The following PACSIN2 variants were observed in gnomAD, a reference collection of about 807,000 sequenced individuals.
PACSIN2 encodes protein kinase C and casein kinase substrate in neurons protein 2.
A neutral mutation model predicts 63.8 loss-of-function variants in PACSIN2; 25 were observed. The observed-to-expected ratio is 0.39, with a 90% CI of 0.29 to 0.55. The LOEUF is 0.55. PACSIN2 is among the 20% of genes least tolerant of loss of function. The probability of loss-of-function intolerance (pLI) is 0.62; values close to 1 mark genes in which losing one functional copy is unlikely to be tolerated. For synonymous variants in PACSIN2, 255 were observed against 256.2 expected, an observed-to-expected ratio of 1.00 and a Z score of 0.05; for missense variants, 518 against 646.9, an observed-to-expected ratio of 0.80 and a Z score of 2.16.
chr22:42,954,320 T>C (rs762670462), intron 1 of PACSIN2, among the ~76,000 whole-genome samples: 4 of 152,206 alleles, frequency 2.6e-5, no homozygotes, highest in Non-Finnish European at 5.9e-5. Context: ...GAACAGCCCA[T>C]TGAGCCTCTA....
chr22:42,990,141 AT>A (rs5845577), intron 1 of PACSIN2, among the ~76,000 whole-genome samples: 91,810 of 149,972 alleles, frequency 0.61, 28,801 homozygotes, highest in East Asian at 0.78. Context: ...AAAATGAATG[AT>A]TTTTTTAAAA....
rs1389165602 is a variant in PACSIN2 at position 42,919,792 on chromosome 22, A to AG, written c.-77-7636_-77-7635insC. On this transcript the variant is annotated intron_variant, in intron 1 of 10. Coordinates refer to ENST00000263246, the MANE Select transcript of PACSIN2 (RefSeq NM_001184970.3). ...TGTCTCAAAAAAAAAAAAAAAAAAA[A>AG]AAAAAGAAAGAAAGAAAGAAAAAGA... is the stretch of plus-strand genomic sequence containing the variant. 5.3e-3 allele frequency among the ~76,000 whole-genome samples: 759 copies of AG among 142,682 alleles called. 5 individuals are homozygous for AG. Among genetic ancestry groups the AG allele is most frequent in the Non-Finnish European group, 9.3e-3 (615 of 66,440 alleles). The allele number at this position is 142,682 out of a possible 152,430, so 93.6% of individuals were successfully genotyped here.
Position 42,972,065 on chromosome 22 carries a change from G to T in PACSIN2, c.-78+42956C>A, listed in dbSNP as rs569241411. Among the ~76,000 whole-genome samples, 74 of 152,332 alleles carry T rather than the reference G, an allele frequency of 4.9e-4. No individual in the cohort carries two copies. The South Asian group carries it at 0.012, about 24-fold the overall frequency. ...TGACAATGGCGGTTTTGTCCAATGG[G>T]GGGGGGAAATGTGGGGAAAAGAAAG... On this transcript the variant is annotated intron_variant, in intron 1 of 10. Transcript: ENST00000263246.
intron 1 of PACSIN2, among the ~76,000 whole-genome samples, chr22:42,947,498 C>A (rs931860822): frequency 6.6e-6 from 1 of 152,140 alleles, no homozygotes; most frequent in Non-Finnish European, 1.5e-5. Flanking sequence ...AGAGGCTCTT[C>A]CCTACCCAAC....
chr22:42,875,440 A>G (rs1402635231), intron 10 of PACSIN2, among the ~76,000 whole-genome samples: 3 of 151,868 alleles, frequency 2.0e-5, no homozygotes, highest in East Asian at 3.9e-4. Flanking sequence ...TACAATCATG[A>G]TTCATTGCAA....
chr22:42,934,223 C>G (rs866610764), intron 1 of PACSIN2, among the ~76,000 whole-genome samples: 3 of 152,230 alleles, frequency 2.0e-5, no homozygotes, highest in Non-Finnish European at 2.9e-5. Flanking sequence ...TGAATAAAAA[C>G]CATACTAAAT....
intron 8 of PACSIN2, among the ~76,000 whole-genome samples, chr22:42,877,302 C>A (rs944312654): frequency 6.6e-6 from 1 of 152,156 alleles, no homozygotes; most frequent in Non-Finnish European, 1.5e-5. Flanking sequence ...TGACAAGCCA[C>A]AGCTGGAGCA....
chr22:42,983,489 C>CAAAAAAAAAAAA (rs775403003), intron 1 of PACSIN2, among the ~76,000 whole-genome samples: 7 of 82,258 alleles, frequency 8.5e-5, no homozygotes, highest in East Asian at 3.5e-4. Flanking sequence ...GACTCCATCT[C>CAAAAAAAAAAAA]AAAAAAAAAA....
chr22:42,897,012 CTG>C (rs1930338243), intron 2 of PACSIN2, among the ~76,000 whole-genome samples: 1 of 152,146 alleles, frequency 6.6e-6, no homozygotes, highest in African/African-American at 2.4e-5. Context: ...TCATGGCTCA[CTG>C]TGGCCTTAAC....
intron 1 of PACSIN2, among the ~76,000 whole-genome samples, chr22:42,931,906 G>A (rs188668291): frequency 6.2e-4 from 95 of 152,298 alleles, no homozygotes; most frequent in Non-Finnish European, 1.2e-3. Context: ...AAGCTAAAAT[G>A]AAAACGTTTA....
At position 42,906,502 on chromosome 22, in the gene PACSIN2, G is replaced by C. The variant is rs145301567; in HGVS notation, c.60+5519C>G. Among the ~76,000 whole-genome samples the C allele has an allele frequency of 8.0e-4, 122 of 152,312 alleles. 1 individual carries two copies. In the Middle Eastern group the frequency reaches 0.017, roughly 21 times the overall value. ...TGGCCAAGACAAAGGCAGCCCACAC[G>C]TCGAGGGCCCTGATCTGCCCCATAG... On this transcript the variant is annotated intron_variant, in intron 2 of 10. Coordinates refer to ENST00000263246, the MANE Select transcript of PACSIN2 (RefSeq NM_001184970.3).
intron 1 of PACSIN2, among the ~76,000 whole-genome samples, chr22:42,971,497 C>T (rs1395926525): frequency 3.3e-5 from 5 of 152,206 alleles, no homozygotes; most frequent in South Asian, 2.1e-4. Context: ...AGCCTCTGCC[C>T]GGCCGCCACC....
Position 43,010,398 on chromosome 22 carries a change from A to ATATATATATATATATATTTT in PACSIN2, c.-78+4622_-78+4623insAAAATATATATATATATATA. Among the ~76,000 whole-genome samples, 266 of 126,360 alleles carry ATATATATATATATATATTTT rather than the reference A, an allele frequency of 2.1e-3. 1 individual carries two copies. The highest frequency in any genetic ancestry group is 0.013 in the South Asian group (48 of 3,682). The allele number at this position is 126,360 out of a possible 152,430, so 82.9% of individuals were successfully genotyped here. On this transcript the variant is annotated intron_variant, in intron 1 of 10. Coordinates refer to ENST00000263246, the MANE Select transcript of PACSIN2 (RefSeq NM_001184970.3). ...TGTTTAAAAATACATATATATATAT[A>ATATATATATATATATATTTT]TTTTTTTTTAATTGAAAATAAAAAA...
At chr22:42,974,543 A>G (rs2016623) in intron 1 of PACSIN2, among the ~76,000 whole-genome samples, 91,701 of 151,748 alleles carry the variant, frequency 0.6, 28,246 homozygotes, top group East Asian at 0.78. Context: ...TTAAAAGATC[A>G]TAAGCACCAG....
At chr22:42,975,977 C>T (rs1805912381) in intron 1 of PACSIN2, among the ~76,000 whole-genome samples, 2 of 152,138 alleles carry the variant, frequency 1.3e-5, no homozygotes, top group African/African-American at 2.4e-5. Context: ...GCTGAGACAC[C>T]CTGGCCCCCA....
chr22:42,913,311 C>CT (rs1931583458), intron 1 of PACSIN2, among the ~76,000 whole-genome samples: 1 of 152,134 alleles, frequency 6.6e-6, no homozygotes, highest in African/African-American at 2.4e-5. Flanking sequence ...GAAACCCCGT[C>CT]TCTACTAAAA....
At chr22:43,014,211 G>C (rs753126121) in intron 1 of PACSIN2, among the ~76,000 whole-genome samples, 34 of 152,028 alleles carry the variant, frequency 2.2e-4, no homozygotes, top group Non-Finnish European at 3.2e-4. Flanking sequence ...TTCTGATTCA[G>C]TGAGTCTGGG....
At chr22:43,003,407 T>A (rs1923890920) in intron 1 of PACSIN2, among the ~76,000 whole-genome samples, 1 of 152,228 alleles carries the variant, frequency 6.6e-6, no homozygotes, top group African/African-American at 2.4e-5. Context: ...ATAGAGACCA[T>A]CCTGGCTAAC....
intron 1 of PACSIN2, among the ~76,000 whole-genome samples, chr22:42,967,552 C>G (rs1438152479): frequency 6.6e-6 from 1 of 152,212 alleles, no homozygotes; most frequent in Non-Finnish European, 1.5e-5. Context: ...GTTTCATCGT[C>G]TAGCATGATA....
Sources: allele counts gnomAD v4.1 joint callset (sites outside exome capture counted in the v4.1 genomes callset), GRCh38; gene constraint gnomAD v4.1.1; transcripts MANE v1.5; gene names NCBI Gene and HGNC (gene_info 2026-07-23, HGNC 2026-07-21).